SLC4A4: variants seen among roughly 807,000 people sequenced by gnomAD.
SLC4A4 encodes the protein solute carrier family 4 member 4.
SLC4A4 carries 27 observed loss-of-function variants against 111.5 expected under a neutral mutation model. The ratio of observed to expected loss-of-function variants is 0.24; its 90% CI spans 0.18 to 0.33. The LOEUF (loss-of-function observed/expected upper bound fraction) is 0.33. SLC4A4 is among the 10% of genes least tolerant of loss of function. SLC4A4 has a pLI of 1.00. For missense variants in SLC4A4, 909 were observed against 1,315.5 expected, an observed-to-expected ratio of 0.69 and a Z score of 4.78; for synonymous variants, 443 against 463.4, an observed-to-expected ratio of 0.96 and a Z score of 0.57.
At chr4:71,216,536 G>A (rs1718439297) in intron 1 of SLC4A4, among the ~76,000 whole-genome samples, 1 of 152,158 alleles carries the variant, frequency 6.6e-6, no homozygotes, top group South Asian at 2.1e-4. Context: ...TATATCAAGA[G>A]GCACATGCTT....
chr4:71,453,620 A>G lies in SLC4A4; in HGVS notation c.1448A>G (p.Asn483Ser). Residue 483 changes from asparagine to serine, a missense_variant, in exon 12 of 26, where the codon AAT (asparagine) becomes AGT (serine). Physicochemically the swap from Asn to Ser is conservative, Grantham distance 46. Around this residue, in one of 7 missense-constraint regions of SLC4A4, gnomAD observed 23 missense variants for 77.7 expected, o/e 0.30. Coordinates refer to ENST00000264485, the MANE Select transcript of SLC4A4 (RefSeq NM_001098484.3). The part of the protein sequence containing the change: ...ILFIYLATVT[N>S]AITFGGLLGD... ...TTCATTTATCTGGCAACTGTAACTA[A>G]TGCTATCACTTTTGGAGGACTGCTT... 2 of 1,613,952 alleles carry G rather than the reference A, an allele frequency of 1.2e-6. No individual in the cohort carries two copies. Among genetic ancestry groups the G allele is most frequent in the Non-Finnish European group, 1.7e-6 (2 of 1,179,894 alleles).
At chr4:71,521,538 C>T (rs2149193518) in intron 16 of SLC4A4, among the ~76,000 whole-genome samples, 1 of 152,078 alleles carries the variant, frequency 6.6e-6, no homozygotes, top group East Asian at 1.9e-4. Flanking sequence ...ATGGTCTGAT[C>T]AAAATTTTAA....
chr4:71,422,810 A>G (rs1722684566), intron 7 of SLC4A4, among the ~76,000 whole-genome samples: 1 of 152,180 alleles, frequency 6.6e-6, no homozygotes, highest in Non-Finnish European at 1.5e-5. Context: ...AAAACTCTCA[A>G]TAAATTAGGT....
intron 7 of SLC4A4, among the ~76,000 whole-genome samples, chr4:71,431,638 G>A (rs1327848539): frequency 6.6e-6 from 1 of 150,946 alleles, no homozygotes; most frequent in Non-Finnish European, 1.5e-5. Flanking sequence ...GCTGAATTAT[G>A]TGCAGAGCTG....
chr4:71,072,940 G>GTAT lies in SLC4A4; in HGVS notation c.-65+10172_-65+10174dup, dbSNP rs565674196. Among the ~76,000 whole-genome samples, 881 of 151,122 alleles carry GTAT rather than the reference G, an allele frequency of 5.8e-3. 10 individuals are homozygous for GTAT. The highest frequency in any genetic ancestry group is 0.02 in the African/African-American group (823 of 41,230). ...ATGCCACTATGCCCAGTTAATTTTT[G>GTAT]TATTATTATTATTATTATTATTTTG... On this transcript the variant is annotated intron_variant, in intron 1 of 26. Transcript: ENST00000649996.
Position 71,534,377 on chromosome 4 carries a change from C to A in SLC4A4, c.2431C>A (p.His811Asn). 1 of 1,613,328 alleles carries A rather than the reference C, an allele frequency of 6.2e-7. No homozygotes were observed. The highest frequency in any genetic ancestry group is 8.5e-7 in the Non-Finnish European group (1 of 1,179,534). Residue 811 changes from histidine (H) to asparagine (N), a missense_variant, in exon 18 of 26, where the codon CAT becomes AAT. By Grantham distance (68) the His-to-Asn change is moderately conservative. Around this residue, in one of 7 missense-constraint regions of SLC4A4, gnomAD observed 264 missense variants for 356.8 expected, o/e 0.74. Coordinates refer to ENST00000264485, the MANE Select transcript of SLC4A4 (RefSeq NM_001098484.3). The part of the protein sequence containing the change: ...ITAVIVNRKE[H>N]KLKKGAGYHL... ...AGCTGTGATTGTAAACAGGAAAGAACATAAACTCAAGGTAAGTGTCCATAA... is the reference window on the plus strand; with the variant it reads ...AGCTGTGATTGTAAACAGGAAAGAAAATAAACTCAAGGTAAGTGTCCATAA...
intron 7 of SLC4A4, among the ~76,000 whole-genome samples, chr4:71,432,353 G>A (rs1723711014): frequency 6.6e-6 from 1 of 152,174 alleles, no homozygotes; most frequent in Admixed American, 6.5e-5. Flanking sequence ...TTCTAGAAAT[G>A]TTGTGTCACT....
intron 3 of SLC4A4, among the ~76,000 whole-genome samples, chr4:71,333,111 G>A (rs780930117): frequency 3.3e-5 from 5 of 152,194 alleles, no homozygotes; most frequent in Non-Finnish European, 7.3e-5. Flanking sequence ...GAAGAGTTAG[G>A]TATTTATTGT....
At chr4:71,392,574 A>C (rs947571094) in intron 6 of SLC4A4, among the ~76,000 whole-genome samples, 1 of 152,104 alleles carries the variant, frequency 6.6e-6, no homozygotes, top group African/African-American at 2.4e-5. Context: ...CAGAGTGTTG[A>C]TAGAATTGGT....
intron 20 of SLC4A4, among the ~76,000 whole-genome samples, chr4:71,552,034 C>T (rs1055845622): frequency 1.3e-5 from 2 of 151,864 alleles, no homozygotes; most frequent in African/African-American, 2.4e-5. Context: ...TCCACCCTGA[C>T]CACTGAGGAC....
chr4:71,305,878 G>T (rs1262268807), intron 3 of SLC4A4, among the ~76,000 whole-genome samples: 4 of 152,204 alleles, frequency 2.6e-5, no homozygotes, highest in African/African-American at 9.7e-5. Context: ...GTATTACAGT[G>T]TTCAGAGCCA....
chr4:71,439,206 ATCCCGAGG>A (rs1330366533), intron 7 of SLC4A4, among the ~76,000 whole-genome samples: 1 of 151,756 alleles, frequency 6.6e-6, no homozygotes, highest in Non-Finnish European at 1.5e-5. Flanking sequence ...AGGCGGGTGG[ATCCCGAGG>A]TCAGGAGTTC....
intron 2 of SLC4A4, among the ~76,000 whole-genome samples, chr4:71,120,958 C>T (rs72648768): frequency 0.16 from 23,876 of 152,240 alleles, 2,189 homozygotes; most frequent in East Asian, 0.27. Flanking sequence ...CAGGGCAGCA[C>T]GCCGCCCTCG....
At chr4:71,359,395 T>C (rs1014505422) in intron 6 of SLC4A4, among the ~76,000 whole-genome samples, 1 of 152,230 alleles carries the variant, frequency 6.6e-6, no homozygotes, top group Admixed American at 6.5e-5. Context: ...GTTATTTGCC[T>C]TAATGCTACC....
At chr4:71,385,079 A>G (rs374287245) in intron 6 of SLC4A4, among the ~76,000 whole-genome samples, 1 of 147,858 alleles carries the variant, frequency 6.8e-6, no homozygotes, top group Non-Finnish European at 1.5e-5. Context: ...GAATGTTAGC[A>G]TCCCTACTCT....
At chr4:71,190,564 C>A (rs1745688802) in intron 1 of SLC4A4, among the ~76,000 whole-genome samples, 1 of 152,142 alleles carries the variant, frequency 6.6e-6, no homozygotes, top group African/African-American at 2.4e-5. Flanking sequence ...TCTAACAAGA[C>A]ATTGAAAATA....
chr4:71,270,922 C>A (rs140173881), intron 3 of SLC4A4, among the ~76,000 whole-genome samples: 1,577 of 152,268 alleles, frequency 0.01, 12 homozygotes, highest in Non-Finnish European at 0.018. Flanking sequence ...GCTTGAGATA[C>A]TTACTGAATT....
intron 1 of SLC4A4, chr4:71,233,245 A>AT: frequency 2.0e-6 from 2 of 983,584 alleles, no homozygotes; most frequent in African/African-American, 3.5e-5. Context: ...TATTTACTGA[A>AT]TGAATGAATG....
chr4:71,453,169 G>A (rs904836460), intron 11 of SLC4A4, among the ~76,000 whole-genome samples: 1 of 152,098 alleles, frequency 6.6e-6, no homozygotes, highest in East Asian at 1.9e-4. Flanking sequence ...ATGATGAAGG[G>A]CCTTTATATG....
Sources: gnomAD v4.1 joint callset for allele counts (sites outside exome capture counted in the v4.1 genomes callset) on GRCh38, gnomAD v4.1.1 for gene constraint, gnomAD v4.1.1 regional missense constraint, MANE v1.5 for transcripts, NCBI Gene and HGNC (gene_info 2026-07-23, HGNC 2026-07-21) for gene names.